The following TRIM56 variants were observed in gnomAD, a reference collection of about 807,000 sequenced individuals.
TRIM56 encodes tripartite motif containing 56, also known as E3 ubiquitin-protein ligase TRIM56.
Under a neutral mutation model 17.1 loss-of-function variants are expected in TRIM56, and 10 were observed. That is an observed-to-expected ratio of 0.58 (90% confidence interval 0.36 to 0.99). The LOEUF is 0.99. TRIM56 is among the 50% of genes least tolerant of loss of function. The pLI is 0.01. For missense variants in TRIM56, 923 were observed against 1,052.3 expected (o/e 0.88, Z 1.70); for synonymous variants, 503 against 473.5 (o/e 1.06, Z -0.81).
rs921643440 is a variant in TRIM56 at position 101,087,055 on chromosome 7, G to A, written c.-115G>A. Reference sequence around the variant, plus strand: ...TAGCACTGACATTTTTACGTTTGCTGGATGTACACACGGAAGTGGAGGAGG... The same window carrying A: ...TAGCACTGACATTTTTACGTTTGCTAGATGTACACACGGAAGTGGAGGAGG... On this transcript the variant is annotated 5_prime_UTR_variant, in exon 2 of 3. Coordinates refer to ENST00000306085, the MANE Select transcript of TRIM56 (RefSeq NM_030961.3). 2.0e-6 allele frequency: 1 copy of A among 512,274 alleles called. No individual in the cohort carries two copies. The highest frequency in any genetic ancestry group is 3.5e-6 in the Non-Finnish European group (1 of 287,484). The allele number at this position is 512,274 out of a possible 1,614,324, so 31.7% of individuals were successfully genotyped here.
chr7:101,091,490 G>C lies in TRIM56; in HGVS notation c.*1910G>C, dbSNP rs1795563918. 2 of 268,520 alleles carry C rather than the reference G, an allele frequency of 7.4e-6. No individual in the cohort carries two copies. Among genetic ancestry groups the C allele is most frequent in the South Asian group, 6.2e-5 (2 of 32,256 alleles). 16.6% of individuals were successfully genotyped at this position (268,520 alleles called of 1,614,324 possible). On this transcript the variant is annotated 3_prime_UTR_variant, in exon 3 of 3. Transcript: ENST00000306085. ...GCCTGTAATCCCAGCACTCTGGGAG[G>C]CTGGGGTGGGTGGATCACTCAAGGT...
chr7:101,095,235 G>A lies in TRIM56; in HGVS notation c.*5655G>A, dbSNP rs1259388238. On this transcript the variant is annotated 3_prime_UTR_variant, in exon 3 of 3. Coordinates refer to ENST00000306085, the MANE Select transcript of TRIM56 (RefSeq NM_030961.3). The stretch of plus-strand genomic sequence containing the variant: ...CAAAAAAATTTTTAAATTAGCCAGA[G>A]GTGGTGGCATGCACCCGTAGTCCCA... 6.6e-6 allele frequency: 1 copy of A among 152,304 alleles called. No individual in the cohort carries two copies. The highest frequency in any genetic ancestry group is 6.6e-5 in the Admixed American group (1 of 15,248). 9.4% of individuals were successfully genotyped at this position (152,304 alleles called of 1,614,324 possible).
Position 101,087,245 on chromosome 7 carries a change from G to A in TRIM56, c.-1-67G>A, listed in dbSNP as rs1333607341. The A allele has an allele frequency of 3.5e-6, 5 of 1,444,822 alleles. No homozygotes were observed. The Admixed American group carries it at 7.5e-5, about 22-fold the overall frequency. The allele number at this position is 1,444,822 out of a possible 1,614,324, so 89.5% of individuals were successfully genotyped here. The stretch of plus-strand genomic sequence containing the variant: ...GATCCGTGGGGCTTGAGGACGGGCG[G>A]TAGAAGCTAGAGGGTGAGCTGGTGA... On this transcript the variant is annotated intron_variant, in intron 2 of 2. Coordinates refer to ENST00000306085, the MANE Select transcript of TRIM56 (RefSeq NM_030961.3).
chr7:101,087,485 AGTGCCGCGAGACAGTGCCT>A lies in TRIM56; in HGVS notation c.181_199del (p.Glu61ProfsTer20). On this transcript the variant is annotated frameshift_variant, in exon 3 of 3. Coordinates refer to ENST00000306085, the MANE Select transcript of TRIM56 (RefSeq NM_030961.3). LOFTEE classifies it low-confidence loss of function (END_TRUNC). ...GATGGCGGCCGCGTCCGCTGCCCCGAGTGCCGCGAGACAGTGCCTGTGCCGCCCGAGGGTGTGGCCTCCT... is the reference window on the plus strand; with the variant it reads ...GATGGCGGCCGCGTCCGCTGCCCCGAGTGCCGCCCGAGGGTGTGGCCTCCT... 6.2e-6 allele frequency: 10 copies of A among 1,613,546 alleles called. No homozygotes were observed. The highest frequency in any genetic ancestry group is 8.5e-6 in the Non-Finnish European group (10 of 1,179,874).
At position 101,088,372 on chromosome 7, in the gene TRIM56, C is replaced by CTCCA. The variant is rs1463278225; in HGVS notation, c.1064_1067dup (p.Gly357SerfsTer16). 1 of 1,565,816 alleles carries CTCCA rather than the reference C, an allele frequency of 6.4e-7. No individual in the cohort carries two copies. The highest frequency in any genetic ancestry group is 1.9e-5 in the Admixed American group (1 of 52,878). On this transcript the variant is annotated frameshift_variant, in exon 3 of 3. Coordinates refer to ENST00000306085, the MANE Select transcript of TRIM56 (RefSeq NM_030961.3). LOFTEE classifies it low-confidence loss of function (END_TRUNC). ...CCCCTGCCTGCTCCCACAGCTGGAG[C>CTCCA]TCCATCCTGGGCTCCTGGACAAGAA...
rs1348363093 is a variant in TRIM56, at chr7:101,088,755, T to C, written c.1443T>C (p.Asn481=). The C allele has an allele frequency of 2.5e-6, 4 of 1,613,802 alleles. No homozygotes were observed. The East Asian group carries it at 8.9e-5, about 36-fold the overall frequency. The change falls in exon 3 of 3, where the codon AAT becomes AAC. Residue 481 remains asparagine, a synonymous_variant. Coordinates refer to ENST00000306085, the MANE Select transcript of TRIM56 (RefSeq NM_030961.3). ...SREPSPALGP[N]LDGSGLLPRP... is the part of the protein sequence containing the mutation. ...AGCCCAGCCCAGCCCTGGGGCCGAATCTGGACGGCTCTGGCCTCCTCCCCA... is the reference window on the plus strand; with the variant it reads ...AGCCCAGCCCAGCCCTGGGGCCGAACCTGGACGGCTCTGGCCTCCTCCCCA...
chr7:101,094,624 G>A lies in TRIM56; in HGVS notation c.*5044G>A, dbSNP rs941799272. 1.3e-5 allele frequency: 2 copies of A among 152,186 alleles called. No homozygotes were observed. Among genetic ancestry groups the A allele is most frequent in the Non-Finnish European group, 2.9e-5 (2 of 68,046 alleles). 9.4% of individuals were successfully genotyped at this position (152,186 alleles called of 1,614,324 possible). On this transcript the variant is annotated 3_prime_UTR_variant, in exon 3 of 3. Transcript: ENST00000306085. ...GCTCAGCCAGGAGGCAGGGCCATTG[G>A]GGCAGGGTGGCAGTCCAAGGAACCG...
chr7:101,087,610 G>T lies in TRIM56; in HGVS notation c.298G>T (p.Ala100Ser). 2 of 1,612,252 alleles carry T rather than the reference G, an allele frequency of 1.2e-6. No homozygotes were observed. The highest frequency in any genetic ancestry group is 1.7e-6 in the Non-Finnish European group (2 of 1,179,490). ...ACGDLRAGKP[A>S]CALCPLVGGT... is the part of the protein sequence containing the mutation. ...TGGAGACCTGCGTGCCGGGAAGCCA[G>T]CCTGTGCCCTGTGTCCCCTGGTGGG... The change falls in exon 3 of 3, where the codon GCC (alanine) becomes TCC (serine). Residue 100 changes from alanine to serine, a missense_variant. By Grantham distance (99) the Ala-to-Ser change is moderately conservative (BLOSUM62 1). Around this residue, in one of 3 missense-constraint regions of TRIM56, gnomAD observed 98 missense variants for 143.6 expected, o/e 0.68. Coordinates refer to ENST00000306085, the MANE Select transcript of TRIM56 (RefSeq NM_030961.3).
Position 101,089,715 on chromosome 7 carries a change from A to C in TRIM56, c.*135A>C. ...GCAACTTTTCAACATGGAGTGCCAA[A>C]CTGCTAACCCGTCTTCTAGTGTGTG... On this transcript the variant is annotated 3_prime_UTR_variant, in exon 3 of 3. Coordinates refer to ENST00000306085, the MANE Select transcript of TRIM56 (RefSeq NM_030961.3). 3 of 784,280 alleles carry C rather than the reference A, an allele frequency of 3.8e-6. No homozygotes were observed. Among genetic ancestry groups the C allele is most frequent in the Non-Finnish European group, 4.1e-6 (2 of 491,680 alleles). The allele number at this position is 784,280 out of a possible 1,614,324, so 48.6% of individuals were successfully genotyped here. A position where few individuals can be genotyped will look rare whatever the true frequency, so the allele number is the denominator to read the frequency against.
In TRIM56 at chr7:101,094,649, G is replaced by A. The variant is rs118108907; in HGVS notation, c.*5069G>A. ...GGGCAGGGTGGCAGTCCAAGGAACC[G>A]CTCTGGGAAGGTTTGCAAAGGTCGG... On this transcript the variant is annotated 3_prime_UTR_variant, in exon 3 of 3. Coordinates refer to ENST00000306085, the MANE Select transcript of TRIM56 (RefSeq NM_030961.3). The A allele has an allele frequency of 0.022, 3,389 of 152,230 alleles. 47 individuals are homozygous for A. The highest frequency in any genetic ancestry group is 0.032 in the Non-Finnish European group (2,170 of 68,036). 9.4% of individuals were successfully genotyped at this position (152,230 alleles called of 1,614,324 possible).
chr7:101,087,698 A>C lies in TRIM56; in HGVS notation c.386A>C (p.Gln129Pro). 1.9e-6 allele frequency: 3 copies of C among 1,589,362 alleles called. No homozygotes were observed. The highest frequency in any genetic ancestry group is 2.6e-6 in the Non-Finnish European group (3 of 1,168,352). Residue 129 changes from glutamine to proline, a missense_variant, in exon 3 of 3, where the codon CAG becomes CCG. Transcript: ENST00000306085. ...CTGGACTGTGCCGATGACTTGTGCC[A>C]GGCCTGTGCCGACGGGCACCGCTGC... ...RCLDCADDLC[Q>P]ACADGHRCTR...
rs1795567674 is a variant in TRIM56, at chr7:101,091,737, G to GAAAAAAAAA, written c.*2162_*2163insAAAAAAAAA. ...AATGAAACTCCATCTCAAAAAAAAA[G>GAAAAAAAAA]AAAAAGAAAAGAAAGAAAACCAAGG... On this transcript the variant is annotated 3_prime_UTR_variant, in exon 3 of 3. Coordinates refer to ENST00000306085, the MANE Select transcript of TRIM56 (RefSeq NM_030961.3). 1 of 441,610 alleles carries GAAAAAAAAA rather than the reference G, an allele frequency of 2.3e-6. No homozygotes were observed. Among genetic ancestry groups the GAAAAAAAAA allele is most frequent in the Admixed American group, 2.5e-5 (1 of 40,768 alleles). The allele number at this position is 441,610 out of a possible 1,614,324, so 27.4% of individuals were successfully genotyped here.
rs948908398 is a variant in TRIM56, at chr7:101,095,419, C to G, written c.*5839C>G. 1 of 152,262 alleles carries G rather than the reference C, an allele frequency of 6.6e-6. No homozygotes were observed. The highest frequency in any genetic ancestry group is 2.4e-5 in the African/African-American group (1 of 41,390). 9.4% of individuals were successfully genotyped at this position (152,262 alleles called of 1,614,324 possible). A position where few individuals can be genotyped will look rare whatever the true frequency, so the allele number is the denominator to read the frequency against. Reference sequence around the variant, plus strand: ...GGAGAGATGAGATCGGGGTGTCCCGCTTCTGTGCATGTGGAGGGGGTAACT... The same window carrying G: ...GGAGAGATGAGATCGGGGTGTCCCGGTTCTGTGCATGTGGAGGGGGTAACT... On this transcript the variant is annotated 3_prime_UTR_variant, in exon 3 of 3. Coordinates refer to ENST00000306085, the MANE Select transcript of TRIM56 (RefSeq NM_030961.3).
Position 101,088,593 on chromosome 7 carries a change from C to T in TRIM56, c.1281C>T (p.Thr427=). ...CAAAAGAGGAAAAAGCCCAGACAAC[C>T]CGAGAAGAGGGAGCCCAGACCTTGG... is the stretch of plus-strand genomic sequence containing the variant. The part of the protein sequence containing the change: ...QTPKEEKAQT[T]REEGAQTLEE... Residue 427 remains threonine, a synonymous_variant, in exon 3 of 3, where the codon ACC becomes ACT. Transcript: ENST00000306085. 6.2e-7 allele frequency: 1 copy of T among 1,612,996 alleles called. No individual in the cohort carries two copies. Among genetic ancestry groups the T allele is most frequent in the Admixed American group, 1.7e-5 (1 of 59,996 alleles).
Position 101,096,683 on chromosome 7 carries a change from A to G in TRIM56, c.*7103A>G, listed in dbSNP as rs2116548198. 1 of 152,302 alleles carries G rather than the reference A, an allele frequency of 6.6e-6. No homozygotes were observed. Among genetic ancestry groups the G allele is most frequent in the South Asian group, 2.1e-4 (1 of 4,824 alleles). 9.4% of individuals were successfully genotyped at this position (152,302 alleles called of 1,614,324 possible). ...TTCAACTGACTTGTACCCACCTGAT[A>G]CCCCTCCATCAGCATAAGCGTGTAT... On this transcript the variant is annotated 3_prime_UTR_variant, in exon 3 of 3. Transcript: ENST00000306085.
Position 101,089,643 on chromosome 7 carries a change from C to G in TRIM56, c.*63C>G, listed in dbSNP as rs568976301. ...GAGGGCAGGAAGGAGGCAGAGCTGT[C>G]CGTGGGAGGTGGAGGCCGAGGACAT... On this transcript the variant is annotated 3_prime_UTR_variant, in exon 3 of 3. Coordinates refer to ENST00000306085, the MANE Select transcript of TRIM56 (RefSeq NM_030961.3). 3 of 1,472,466 alleles carry G rather than the reference C, an allele frequency of 2.0e-6. No homozygotes were observed. The South Asian group carries it at 3.9e-5, about 19-fold the overall frequency. The allele number at this position is 1,472,466 out of a possible 1,614,324, so 91.2% of individuals were successfully genotyped here.
chr7:101,097,064 T>G lies in TRIM56; in HGVS notation c.*7484T>G, dbSNP rs544722635. On this transcript the variant is annotated 3_prime_UTR_variant, in exon 3 of 3. Coordinates refer to ENST00000306085, the MANE Select transcript of TRIM56 (RefSeq NM_030961.3). ...TAGCTCTCCTTCTATTTTAGCCTTA[T>G]TATTACGGTATCTATAAAGCAATGC... 1 of 152,322 alleles carries G rather than the reference T, an allele frequency of 6.6e-6. No individual in the cohort carries two copies. Among genetic ancestry groups the G allele is most frequent in the African/African-American group, 2.4e-5 (1 of 41,578 alleles). The allele number at this position is 152,322 out of a possible 1,614,324, so 9.4% of individuals were successfully genotyped here.
At position 101,087,955 on chromosome 7, in the gene TRIM56, G is replaced by A. The variant is rs1249680026; in HGVS notation, c.643G>A (p.Gly215Ser). The change falls in exon 3 of 3, where the codon GGC becomes AGC. Residue 215 changes from glycine (G) to serine (S), a missense_variant. Coordinates refer to ENST00000306085, the MANE Select transcript of TRIM56 (RefSeq NM_030961.3). ...LAEAVRARRP[G>S]LEGLLAGVDN... ...TGAAGCTGTGCGTGCCCGGAGGCCGGGCCTGGAGGGACTGCTGGCCGGTGT... is the reference window on the plus strand; with the variant it reads ...TGAAGCTGTGCGTGCCCGGAGGCCGAGCCTGGAGGGACTGCTGGCCGGTGT... 6.3e-7 allele frequency: 1 copy of A among 1,598,028 alleles called. No homozygotes were observed. Among genetic ancestry groups the A allele is most frequent in the East Asian group, 2.2e-5 (1 of 44,684 alleles).
Position 101,088,563 on chromosome 7 carries a change from G to A in TRIM56, c.1251G>A (p.Gln417=). The part of the protein sequence containing the change: ...GVQPQAGDGA[Q]TPKEEKAQTT... ...AGCCCCAGGCTGGAGATGGAGCCCA[G>A]ACCCCAAAAGAGGAAAAAGCCCAGA... Residue 417 remains glutamine (Q), a synonymous_variant, in exon 3 of 3, where the codon CAG becomes CAA. Coordinates refer to ENST00000306085, the MANE Select transcript of TRIM56 (RefSeq NM_030961.3). The A allele has an allele frequency of 6.2e-7, 1 of 1,609,964 alleles. No homozygotes were observed.
Sources: gnomAD v4.1 joint callset for allele counts on GRCh38, gnomAD v4.1.1 for gene constraint, gnomAD v4.1.1 regional missense constraint, MANE v1.5 for transcripts, NCBI Gene and HGNC (gene_info 2026-07-23, HGNC 2026-07-21) for gene names.